Variants in HDAC6 observed in about 807,000 individuals in gnomAD.
HDAC6 encodes the protein histone deacetylase 6.
HDAC6 carries 5 observed loss-of-function variants against 88.9 expected under a neutral mutation model. That is an observed-to-expected ratio of 0.06 (90% CI 0.03 to 0.12). The LOEUF is 0.12. Among genes scored for constraint, HDAC6 ranks in the 10% least tolerant of loss-of-function variants. The pLI is 1.00. For missense variants in HDAC6, 706 were observed against 1,014.4 expected, an observed-to-expected ratio of 0.70 and a Z score of 4.13; for synonymous variants, 378 against 398.0, an observed-to-expected ratio of 0.95 and a Z score of 0.60.
intron 4 of HDAC6, among the ~76,000 whole-genome samples, chrX:48,805,059 A>G (rs1418371005): frequency 1.8e-5 from 2 of 111,437 alleles, no homozygotes; most frequent in Non-Finnish European, 3.8e-5. Flanking sequence ...GAGGTGATGG[A>G]GGACAGATTG....
intron 4 of HDAC6, 54 bp from the exon 5 acceptor site, chrX:48,805,384 T>C: frequency 1.1e-6 from 1 of 920,185 alleles, no homozygotes; most frequent in Admixed American, 2.4e-5. Context: ...AGAGAACAGA[T>C]GTGGAGCTCC....
At position 48,818,350 on chromosome X, in the gene HDAC6, C is replaced by T. The variant is rs2063024938; in HGVS notation, c.2125C>T (p.Arg709Cys). The change falls in exon 22 of 29, where the codon CGC becomes TGC. Residue 709 changes from arginine (R) to cysteine (C), a missense_variant. Physicochemically the swap from Arg to Cys is radical, Grantham distance 180 (BLOSUM62 -3). This residue lies in a region of HDAC6 where 138 missense variants were observed against 303.5 expected (regional missense o/e 0.45). Coordinates refer to ENST00000334136, the MANE Select transcript of HDAC6 (RefSeq NM_006044.4). ...FTVNVAWNGP[R>C]MGDADYLAAW... Reference sequence around the variant, plus strand: ...CGTCAACGTGGCATGGAACGGGCCCCGCATGGGTGATGCTGACTACCTAGC... The same window carrying T: ...CGTCAACGTGGCATGGAACGGGCCCTGCATGGGTGATGCTGACTACCTAGC... 4 of 1,197,363 alleles carry T rather than the reference C, an allele frequency of 3.3e-6. No individual in the cohort carries two copies. Among genetic ancestry groups the T allele is most frequent in the African/African-American group, 1.7e-5 (1 of 57,359 alleles).
chrX:48,815,429 C>A lies in HDAC6; in HGVS notation c.1195C>A (p.Leu399Ile). The change falls in exon 15 of 29, where the codon CTC becomes ATC. Residue 399 changes from leucine (L) to isoleucine (I), a missense_variant. By Grantham distance (5) the Leu-to-Ile change is conservative. Around this residue, in one of 9 missense-constraint regions of HDAC6, gnomAD observed 106 missense variants for 135.1 expected, o/e 0.78. Transcript: ENST00000334136. ...RALAEGVSAS[L>I]HTLLGDPCPM... Reference sequence around the variant, plus strand: ...CCTGGCTGAAGGCGTCAGTGCTTCGCTCCACACCCTTCTGGGAGACCCTTG... The same window carrying A: ...CCTGGCTGAAGGCGTCAGTGCTTCGATCCACACCCTTCTGGGAGACCCTTG... The A allele has an allele frequency of 8.3e-7, 1 of 1,208,538 alleles. No homozygotes were observed. The highest frequency in any genetic ancestry group is 1.1e-6 in the Non-Finnish European group (1 of 893,649).
chrX:48,815,550 A>G (rs2062971317), intron 15 of HDAC6, 25 bp from the exon 16 acceptor site: 7 of 1,207,364 alleles, frequency 5.8e-6, no homozygotes, highest in Non-Finnish European at 7.9e-6. Flanking sequence ...ATTCCTTGAC[A>G]TCATATTTTC....
At chrX:48,806,855 T>A (rs2062826823) in intron 8 of HDAC6, 149 bp downstream of exon 8, 1 of 407,525 alleles carries the variant, frequency 2.5e-6, no homozygotes, top group Non-Finnish European at 4.2e-6. Context: ...CCCATCCTTG[T>A]CACCCAGACA....
chrX:48,816,136 G>A lies in HDAC6; in HGVS notation c.1494-5G>A, dbSNP rs2062981103. The A allele has an allele frequency of 3.3e-6, 4 of 1,209,811 alleles. No homozygotes were observed. Among genetic ancestry groups the A allele is most frequent in the Non-Finnish European group, 3.4e-6 (3 of 895,154 alleles). On this transcript the variant is annotated splice_region_variant and splice_polypyrimidine_tract_variant and intron_variant, in intron 17 of 28. Coordinates refer to ENST00000334136, the MANE Select transcript of HDAC6 (RefSeq NM_006044.4). ...AGCCTCTACCTCTCGTTTCCCCACT[G>A]CTAGCCACCACCCTGAGGTACCCCA... is the stretch of plus-strand genomic sequence containing the variant.
chrX:48,802,331 G>C (rs973549081), intron 1 of HDAC6, 189 bp downstream of exon 1: 4 of 881,265 alleles, frequency 4.5e-6, no homozygotes, highest in Non-Finnish European at 5.7e-6. Context: ...GGGCTTAGGA[G>C]AGTAGAAGGG....
At chrX:48,806,509 G>A (rs782751243) in intron 7 of HDAC6, 45 bp downstream of exon 7, 3 of 1,077,535 alleles carry the variant, frequency 2.8e-6, no homozygotes, top group East Asian at 6.0e-5. Flanking sequence ...GCAATCTTGG[G>A]GTCCCCATCC....
At chrX:48,823,636 G>A in intron 25 of HDAC6, 36 bp from the exon 26 acceptor site, 1 of 1,194,258 alleles carries the variant, frequency 8.4e-7, no homozygotes. Flanking sequence ...CAAGAATCGG[G>A]CTTCTCTGAT....
At position 48,814,328 on chromosome X, in the gene HDAC6, G is replaced by A. The variant is rs782666554; in HGVS notation, c.807-112G>A. 9.9e-6 allele frequency: 7 copies of A among 709,706 alleles called. No homozygotes were observed. In the East Asian group the frequency reaches 1.3e-4, roughly 13 times the overall value. 58.5% of individuals were successfully genotyped at this position (709,706 alleles called of 1,213,427 possible). A position where few individuals can be genotyped will look rare whatever the true frequency, so the allele number is the denominator to read the frequency against. Reference sequence around the variant, plus strand: ...GAAATTAATGAATGAGAGAATGAACGAGTGGTTGAATGGGGAAATGAGTGG... The same window carrying A: ...GAAATTAATGAATGAGAGAATGAACAAGTGGTTGAATGGGGAAATGAGTGG... On this transcript the variant is annotated intron_variant, in intron 10 of 28. Transcript: ENST00000334136.
chrX:48,812,054 CAAT>C (rs781976004), intron 10 of HDAC6, among the ~76,000 whole-genome samples: 3 of 112,448 alleles, frequency 2.7e-5, no homozygotes, highest in South Asian at 7.2e-4. Flanking sequence ...TGAAAATTAA[CAAT>C]AATTATTTTT....
chrX:48,805,624 T>C lies in HDAC6; in HGVS notation c.397-7T>C. On this transcript the variant is annotated splice_polypyrimidine_tract_variant and splice_region_variant and intron_variant, in intron 5 of 28. Coordinates refer to ENST00000334136, the MANE Select transcript of HDAC6 (RefSeq NM_006044.4). Reference sequence around the variant, plus strand: ...TTTACCCCACTTTATTCCTCATCTCTCCCCAGGCCCGGTTTGCTGAAAAGG... The same window carrying C: ...TTTACCCCACTTTATTCCTCATCTCCCCCCAGGCCCGGTTTGCTGAAAAGG... The C allele has an allele frequency of 8.4e-7, 1 of 1,184,413 alleles. No individual in the cohort carries two copies.
intron 15 of HDAC6, 28 bp downstream of exon 15, chrX:48,815,518 G>C: frequency 8.3e-7 from 1 of 1,198,703 alleles, no homozygotes; most frequent in Middle Eastern, 2.3e-4. Flanking sequence ...AGGGGAAAGC[G>C]GGAGCCTCAC....
rs782483063 is a variant in HDAC6, at chrX:48,814,313, A to C, written c.807-127A>C. 2.1e-5 allele frequency: 13 copies of C among 625,617 alleles called. No individual in the cohort carries two copies. In the South Asian group the frequency reaches 3.5e-4, roughly 17 times the overall value. 51.6% of individuals were successfully genotyped at this position (625,617 alleles called of 1,213,427 possible). A position where few individuals can be genotyped will look rare whatever the true frequency, so the allele number is the denominator to read the frequency against. On this transcript the variant is annotated intron_variant, in intron 10 of 28. Transcript: ENST00000334136. The stretch of plus-strand genomic sequence containing the variant: ...TAAATAATTAATGGGGAAATTAATG[A>C]ATGAGAGAATGAACGAGTGGTTGAA...
At chrX:48,817,274 G>GAA in intron 19 of HDAC6, 52 bp from the exon 20 acceptor site, 1 of 1,005,698 alleles carries the variant, frequency 9.9e-7, no homozygotes, top group Non-Finnish European at 1.3e-6. Context: ...AAAAAAGGAA[G>GAA]AAAGGAAGGT....
At chrX:48,807,430 T>C (rs2062835139) in intron 8 of HDAC6, among the ~76,000 whole-genome samples, 1 of 113,352 alleles carries the variant, frequency 8.8e-6, no homozygotes, top group Admixed American at 9.3e-5. Context: ...TTCACCCTTT[T>C]TAAAACACAG....
chrX:48,822,690 C>A lies in HDAC6; in HGVS notation c.2408C>A (p.Pro803Gln). ...ACTCGCTCCCTCCTTGGAGACCCAC[C>A]ACCCCTGCTGACCCTGCCACGGCCC... is the stretch of plus-strand genomic sequence containing the variant. ...ACTRSLLGDP[P>Q]PLLTLPRPPL... Residue 803 changes from proline (P) to glutamine (Q), a missense_variant, in exon 24 of 29, where the codon CCA becomes CAA. Physicochemically the swap from Pro to Gln is moderately conservative, Grantham distance 76. Around this residue, in one of 9 missense-constraint regions of HDAC6, gnomAD observed 138 missense variants for 303.5 expected, o/e 0.45. Coordinates refer to ENST00000334136, the MANE Select transcript of HDAC6 (RefSeq NM_006044.4). 1 of 1,209,569 alleles carries A rather than the reference C, an allele frequency of 8.3e-7. No homozygotes were observed. The highest frequency in any genetic ancestry group is 1.1e-6 in the Non-Finnish European group (1 of 893,704).
upstream of HDAC6, chrX:48,801,696 G>A (rs1557022267): frequency 1.7e-5 from 6 of 351,808 alleles, no homozygotes. Flanking sequence ...GTGTGGCTCA[G>A]CCCAGCTGGC....
chrX:48,806,970 G>A, intron 8 of HDAC6: 1 of 227,179 alleles, frequency 4.4e-6, no homozygotes, highest in Middle Eastern at 1.3e-3. Context: ...ATTCTAAGGT[G>A]TACATTTTTT....
Sources: allele counts gnomAD v4.1 joint callset (sites outside exome capture counted in the v4.1 genomes callset), GRCh38; gene constraint gnomAD v4.1.1; regional missense constraint gnomAD v4.1.1; transcripts MANE v1.5; gene names NCBI Gene and HGNC (gene_info 2026-07-23, HGNC 2026-07-21).